PIK3CA: variants seen among roughly 807,000 people sequenced by gnomAD.
PIK3CA encodes phosphatidylinositol-4,5-bisphosphate 3-kinase catalytic subunit alpha.
PIK3CA carries 27 observed loss-of-function variants against 138.2 expected under a neutral mutation model. The ratio of observed to expected loss-of-function variants is 0.20; its 90% CI spans 0.14 to 0.27. The LOEUF is 0.27. PIK3CA is among the 10% of genes least tolerant of loss of function. PIK3CA has a pLI of 1.00. For missense variants in PIK3CA, 544 were observed against 1,277.4 expected (o/e 0.43, Z 8.75); for synonymous variants, 358 against 413.2 (o/e 0.87, Z 1.62).
intron 1 of PIK3CA, among the ~76,000 whole-genome samples, chr3:179,176,337 A>G (rs185561907): frequency 6.6e-6 from 1 of 152,318 alleles, no homozygotes; most frequent in East Asian, 1.9e-4. Context: ...ATGGGGTTTC[A>G]TGAGAATTGA....
intron 17 of PIK3CA, among the ~76,000 whole-genome samples, chr3:179,227,532 G>A (rs1412220488): frequency 2.6e-5 from 4 of 152,048 alleles, no homozygotes; most frequent in Admixed American, 2.6e-4. Flanking sequence ...AGGGCTTCAA[G>A]GGGGTTAAAA....
chr3:179,153,650 G>A (rs75786470), intron 1 of PIK3CA, among the ~76,000 whole-genome samples: 5,648 of 152,212 alleles, frequency 0.037, 114 homozygotes, highest in Admixed American at 0.041. Context: ...GAAATCTCCA[G>A]TGTTTTGGAT....
chr3:179,232,228 A>T (rs1276181573), intron 20 of PIK3CA, among the ~76,000 whole-genome samples: 1 of 151,998 alleles, frequency 6.6e-6, no homozygotes, highest in Admixed American at 6.6e-5. Flanking sequence ...ATCTTCTAGA[A>T]TTTTTATGGT....
At position 179,189,185 on chromosome 3, in the gene PIK3CA, G is replaced by A. The variant is rs145728596; in HGVS notation, c.-76-9565G>A. Among the ~76,000 whole-genome samples the A allele has an allele frequency of 5.8e-3, 887 of 152,122 alleles. 6 individuals carry two copies. The highest frequency in any genetic ancestry group is 9.2e-3 in the Admixed American group (141 of 15,274). On this transcript the variant is annotated intron_variant, in intron 1 of 20. Coordinates refer to ENST00000263967, the MANE Select transcript of PIK3CA (RefSeq NM_006218.4). ...GCCGAAATCATGCCACTGCACTCCAGCCTGCGTGACACAGCAAGACTCCAT... is the reference window on the plus strand; with the variant it reads ...GCCGAAATCATGCCACTGCACTCCAACCTGCGTGACACAGCAAGACTCCAT...
Position 179,177,722 on chromosome 3 carries a change from A to G in PIK3CA, c.-76-21028A>G, listed in dbSNP as rs571459966. Among the ~76,000 whole-genome samples, 215 of 152,348 alleles carry G rather than the reference A, an allele frequency of 1.4e-3. 1 individual carries two copies. Among genetic ancestry groups the G allele is most frequent in the African/African-American group, 5.0e-3 (206 of 41,588 alleles). ...ACTTATCTAGAAATAAACTTAAACC[A>G]TAGCAGAGCTTACATGAAGAAATCT... On this transcript the variant is annotated intron_variant, in intron 1 of 20. Coordinates refer to ENST00000263967, the MANE Select transcript of PIK3CA (RefSeq NM_006218.4).
At position 179,237,254 on chromosome 3, in the gene PIK3CA, A is replaced by G. The variant is rs1000851205; in HGVS notation, c.*2890A>G. 1 of 193,756 alleles carries G rather than the reference A, an allele frequency of 5.2e-6. No individual in the cohort carries two copies. Among genetic ancestry groups the G allele is most frequent in the Non-Finnish European group, 1.1e-5 (1 of 93,024 alleles). The allele number at this position is 193,756 out of a possible 1,614,324, so 12.0% of individuals were successfully genotyped here. On this transcript the variant is annotated 3_prime_UTR_variant, in exon 21 of 21. Transcript: ENST00000263967. The stretch of plus-strand genomic sequence containing the variant: ...AATTGGATTTTTAAAAGAAGAATGG[A>G]ATTTGGTTGCTATTTTACAATAGAA...
intron 1 of PIK3CA, among the ~76,000 whole-genome samples, chr3:179,157,127 A>G (rs915150666): frequency 6.6e-6 from 1 of 152,186 alleles, no homozygotes; most frequent in Admixed American, 6.5e-5. Context: ...ACAGCAGGGA[A>G]AGGAAAGAAT....
At chr3:179,228,623 A>T (rs1725138992) in intron 17 of PIK3CA, among the ~76,000 whole-genome samples, 2 of 152,098 alleles carry the variant, frequency 1.3e-5, no homozygotes, top group African/African-American at 2.4e-5. Context: ...AAAAGCATAT[A>T]TGAGAATCCA....
intron 17 of PIK3CA, 59 bp downstream of exon 17, chr3:179,226,099 A>G: frequency 1.1e-6 from 1 of 927,082 alleles, no homozygotes; most frequent in Non-Finnish European, 1.8e-6. Flanking sequence ...GTGAACTATT[A>G]ATAATTATAG....
intron 6 of PIK3CA, among the ~76,000 whole-genome samples, chr3:179,207,614 C>T (rs1032919031): frequency 6.7e-6 from 1 of 150,150 alleles, no homozygotes; most frequent in Non-Finnish European, 1.5e-5. Context: ...GGCACAAACT[C>T]GACTCACTGC....
At chr3:179,156,491 T>C (rs989396874) in intron 1 of PIK3CA, among the ~76,000 whole-genome samples, 3 of 152,212 alleles carry the variant, frequency 2.0e-5, no homozygotes, top group Non-Finnish European at 4.4e-5. Flanking sequence ...CTAGGTGGTT[T>C]TCAGAAAATG....
At chr3:179,177,076 G>A (rs1324773630) in intron 1 of PIK3CA, among the ~76,000 whole-genome samples, 1 of 151,956 alleles carries the variant, frequency 6.6e-6, no homozygotes, top group Admixed American at 6.5e-5. Flanking sequence ...TTCTTTTTCT[G>A]AAAACTTTGT....
chr3:179,203,101 C>T (rs1177331983), intron 4 of PIK3CA, among the ~76,000 whole-genome samples: 7 of 151,676 alleles, frequency 4.6e-5, no homozygotes, highest in African/African-American at 1.5e-4. Flanking sequence ...CCACTACGCC[C>T]GGCTAATTTT....
intron 1 of PIK3CA, among the ~76,000 whole-genome samples, chr3:179,192,741 C>A (rs935828207): frequency 6.6e-6 from 1 of 152,294 alleles, no homozygotes; most frequent in Admixed American, 6.5e-5. Flanking sequence ...ACCTGTGTTC[C>A]AATAAAACTT....
chr3:179,154,388 G>A (rs1723082834), intron 1 of PIK3CA, among the ~76,000 whole-genome samples: 2 of 151,796 alleles, frequency 1.3e-5, no homozygotes, highest in Non-Finnish European at 2.9e-5. Flanking sequence ...ACATGCAAGG[G>A]ATCTAGGTTG....
intron 20 of PIK3CA, among the ~76,000 whole-genome samples, chr3:179,231,606 T>C (rs1398683588): frequency 6.6e-6 from 1 of 151,058 alleles, no homozygotes; most frequent in Non-Finnish European, 1.5e-5. Flanking sequence ...CTTTTGAGAA[T>C]TGTCTATTCA....
At chr3:179,163,923 G>C (rs115861499) in intron 1 of PIK3CA, among the ~76,000 whole-genome samples, 32 of 152,140 alleles carry the variant, frequency 2.1e-4, no homozygotes, top group Non-Finnish European at 3.4e-4. Context: ...AAAAGCACGT[G>C]AACAATTTGC....
At chr3:179,206,086 C>CTTTT (rs751353057) in intron 6 of PIK3CA, among the ~76,000 whole-genome samples, 21 of 105,164 alleles carry the variant, frequency 2.0e-4, no homozygotes, top group Non-Finnish European at 2.6e-4. Context: ...ACTTCAGGAT[C>CTTTT]TTTTTTTTTT....
intron 1 of PIK3CA, among the ~76,000 whole-genome samples, chr3:179,192,085 G>A (rs549276405): frequency 6.6e-6 from 1 of 152,320 alleles, no homozygotes; most frequent in South Asian, 2.1e-4. Context: ...CCATAGTCAA[G>A]TAATAGTTTT....
Sources: allele counts gnomAD v4.1 joint callset (sites outside exome capture counted in the v4.1 genomes callset), GRCh38; gene constraint gnomAD v4.1.1; transcripts MANE v1.5; gene names NCBI Gene and HGNC (gene_info 2026-07-23, HGNC 2026-07-21).